Variants in CEACAM7 observed in about 807,000 individuals in gnomAD.
The protein encoded by CEACAM7 is cell adhesion molecule CEACAM7.
CEACAM7 carries 24 observed loss-of-function variants against 25.7 expected under a neutral mutation model. That is an observed-to-expected ratio of 0.93 (90% CI 0.68 to 1.31). The LOEUF is 1.31. CEACAM7 is among the 40% of genes most tolerant of loss of function. The probability of loss-of-function intolerance (pLI) is 0.00; values close to 1 mark genes in which losing one functional copy is unlikely to be tolerated. For synonymous variants in CEACAM7, 144 were observed against 129.4 expected (o/e 1.11, Z -0.77); for missense variants, 324 against 330.1 (o/e 0.98, Z 0.14).
chr19:41,677,669 G>T (rs1455613199), intron 3 of CEACAM7, among the ~76,000 whole-genome samples, 166 bp from the exon 4 acceptor site: 1 of 152,154 alleles, frequency 6.6e-6, no homozygotes, highest in Non-Finnish European at 1.5e-5. Flanking sequence ...ATTCTTGCAG[G>T]TTTTTTATCT....
In CEACAM7 at chr19:41,684,021, G is replaced by A. The variant is rs151261932; in HGVS notation, c.470C>T (p.Pro157Leu). The A allele has an allele frequency of 1.5e-5, 24 of 1,614,036 alleles. No individual in the cohort carries two copies. Among genetic ancestry groups the A allele is most frequent in the East Asian group, 2.2e-5 (1 of 44,902 alleles). The stretch of plus-strand genomic sequence containing the variant: ...AACCACAATATCTTTGTTCTCCACC[G>A]GATTGAAGTTGTTGCTGGTGATGGA... ...KPSITSNNFNPVENKDIVVLT... is the reference protein window; with the variant it reads ...KPSITSNNFNLVENKDIVVLT... The change falls in exon 3 of 5, where the codon CCG becomes CTG. Residue 157 changes from proline (P) to leucine (L), a missense_variant. By Grantham distance (98) the Pro-to-Leu change is moderately conservative. Transcript: ENST00000401731.
intron 4 of CEACAM7, among the ~76,000 whole-genome samples, chr19:41,675,045 C>G (rs1196464370): frequency 6.6e-6 from 1 of 152,294 alleles, no homozygotes; most frequent in South Asian, 2.1e-4. Flanking sequence ...CACTAGGAAG[C>G]CAAACCAAGG....
In CEACAM7 at chr19:41,687,166, G is replaced by C. The variant is rs147314898; in HGVS notation, c.120C>G (p.Val40=). The stretch of plus-strand genomic sequence containing the variant: ...TCCCTTCTGCGACATTGAACGGCAC[G>C]ACATCAATATTGGTCTGGGCACTGT... ...LPNSAQTNID[V]VPFNVAEGKE... is the part of the protein sequence containing the mutation. Residue 40 remains valine, a synonymous_variant, in exon 2 of 5, where the codon GTC becomes GTG. Coordinates refer to ENST00000401731, the MANE Select transcript of CEACAM7 (RefSeq NM_001291485.2). 1.2e-6 allele frequency: 2 copies of C among 1,613,750 alleles called. No homozygotes were observed. Among genetic ancestry groups the C allele is most frequent in the South Asian group, 1.1e-5 (1 of 91,000 alleles).
intron 2 of CEACAM7, 54 bp downstream of exon 2, chr19:41,686,805 T>G (rs971688157): frequency 6.7e-7 from 1 of 1,501,076 alleles, no homozygotes; most frequent in Non-Finnish European, 8.9e-7. Context: ...CAACCCCGTG[T>G]GTATGAAGTA....
intron 4 of CEACAM7, 49 bp downstream of exon 4, chr19:41,677,327 C>A: frequency 1.0e-6 from 1 of 986,238 alleles, no homozygotes; most frequent in South Asian, 1.4e-5. Context: ...CCAAGCATGG[C>A]AGTCAGCCCT....
chr19:41,681,493 C>A (rs2072175437), intron 3 of CEACAM7, among the ~76,000 whole-genome samples: 1 of 152,122 alleles, frequency 6.6e-6, no homozygotes, highest in South Asian at 2.1e-4. Context: ...TTGATAGTAG[C>A]ATTACTCACA....
At chr19:41,687,890 G>A (rs2072244653) in intron 1 of CEACAM7, among the ~76,000 whole-genome samples, 1 of 152,190 alleles carries the variant, frequency 6.6e-6, no homozygotes, top group Non-Finnish European at 1.5e-5. Context: ...TGATTAACCA[G>A]GAAAAGAGAA....
In CEACAM7 at chr19:41,683,963, G is replaced by A; in HGVS notation, c.528C>T (p.Thr176=). The A allele has an allele frequency of 6.2e-7, 1 of 1,614,192 alleles. No individual in the cohort carries two copies. Reference sequence around the variant, plus strand: ...TCTGATTGTTTACCCACCACAGGTAGGTTGTGTTCTGAGTCTCAGGTTGAC... The same window carrying A: ...TCTGATTGTTTACCCACCACAGGTAAGTTGTGTTCTGAGTCTCAGGTTGAC... ...LTCQPETQNT[T]YLWWVNNQSL... is the part of the protein sequence containing the mutation. The change falls in exon 3 of 5, where the codon ACC becomes ACT. Residue 176 remains threonine, a synonymous_variant. Transcript: ENST00000401731.
intron 4 of CEACAM7, among the ~76,000 whole-genome samples, chr19:41,675,835 A>T (rs1452142292): frequency 6.6e-6 from 1 of 152,236 alleles, no homozygotes; most frequent in Non-Finnish European, 1.5e-5. Context: ...GATTTCTAGA[A>T]ATCTCATATA....
At chr19:41,679,013 A>T (rs2072145657) in intron 3 of CEACAM7, among the ~76,000 whole-genome samples, 1 of 152,242 alleles carries the variant, frequency 6.6e-6, no homozygotes, top group Non-Finnish European at 1.5e-5. Flanking sequence ...TAGCCAATGA[A>T]GGAAATAATA....
At position 41,687,101 on chromosome 19, in the gene CEACAM7, A is replaced by G; in HGVS notation, c.185T>C (p.Leu62Pro). Reference sequence around the variant, plus strand: ...CCCTTTGTACCAGTTGTAGCCATAAAGATTCTGGGACTCATTATGGACTAC... The same window carrying G: ...CCCTTTGTACCAGTTGTAGCCATAAGGATTCTGGGACTCATTATGGACTAC... ...LLVVHNESQN[L>P]YGYNWYKGER... The change falls in exon 2 of 5, where the codon CTT (leucine) becomes CCT (proline). Residue 62 changes from leucine (L) to proline (P), a missense_variant. Leu to Pro is a moderately conservative substitution (Grantham distance 98). Coordinates refer to ENST00000401731, the MANE Select transcript of CEACAM7 (RefSeq NM_001291485.2). The G allele has an allele frequency of 6.2e-7, 1 of 1,614,138 alleles. No individual in the cohort carries two copies. Among genetic ancestry groups the G allele is most frequent in the Non-Finnish European group, 8.5e-7 (1 of 1,180,014 alleles).
rs782548650 is a variant in CEACAM7, at chr19:41,677,472, G to A, written c.738C>T (p.Leu246=). ...YESVQASSPD[L]SAGTAVSIMI... is the part of the protein sequence containing the mutation. ...TGATGCTGACAGCGGTCCCAGCTGAGAGGTCAGGTGAACTTGCTTGTACTG... is the reference window on the plus strand; with the variant it reads ...TGATGCTGACAGCGGTCCCAGCTGAAAGGTCAGGTGAACTTGCTTGTACTG... Residue 246 remains leucine (L), a synonymous_variant, in exon 4 of 5, where the codon CTC becomes CTT. Transcript: ENST00000401731. The A allele has an allele frequency of 1.2e-6, 2 of 1,613,964 alleles. No homozygotes were observed. Among genetic ancestry groups the A allele is most frequent in the African/African-American group, 2.7e-5 (2 of 74,938 alleles).
chr19:41,682,450 G>A (rs1446105098), intron 3 of CEACAM7, among the ~76,000 whole-genome samples: 1 of 152,176 alleles, frequency 6.6e-6, no homozygotes. Flanking sequence ...TGTCCACAGC[G>A]TCATACAGCG....
chr19:41,679,219 T>C (rs2072147808), intron 3 of CEACAM7, among the ~76,000 whole-genome samples: 2 of 152,204 alleles, frequency 1.3e-5, no homozygotes, highest in South Asian at 4.1e-4. Flanking sequence ...ATGAGTATTA[T>C]GAATAATTAT....
chr19:41,680,183 T>C (rs917436746), intron 3 of CEACAM7, among the ~76,000 whole-genome samples: 1 of 151,780 alleles, frequency 6.6e-6, no homozygotes, highest in Non-Finnish European at 1.5e-5. Context: ...AGAAAAAAAT[T>C]GATTCACATT....
Position 41,688,169 on chromosome 19 carries a change from C to G in CEACAM7, c.-4G>C. 1.2e-6 allele frequency: 2 copies of G among 1,609,622 alleles called. No homozygotes were observed. Among genetic ancestry groups the G allele is most frequent in the South Asian group, 1.1e-5 (1 of 90,654 alleles). On this transcript the variant is annotated 5_prime_UTR_variant, in exon 1 of 5. Transcript: ENST00000401731. ...GACAGGCTGAAGGGGACCCCATGGT[C>G]TCTGCTGCCTGCTTGTCCTCTGTGG...
rs145147015 is a variant in CEACAM7 at position 41,686,823 on chromosome 19, C to T, written c.427+36G>A. 66 of 1,469,452 alleles carry T rather than the reference C, an allele frequency of 4.5e-5. No individual in the cohort carries two copies. In the African/African-American group the frequency reaches 8.6e-4, roughly 19 times the overall value. The allele number at this position is 1,469,452 out of a possible 1,614,324, so 91.0% of individuals were successfully genotyped here. On this transcript the variant is annotated intron_variant, in intron 2 of 4. Coordinates refer to ENST00000401731, the MANE Select transcript of CEACAM7 (RefSeq NM_001291485.2). ...CCCCGTGTGTATGAAGTAGAACTGGCCCCCAGCACCCAGAAGTCATGGAGG... is the reference window on the plus strand; with the variant it reads ...CCCCGTGTGTATGAAGTAGAACTGGTCCCCAGCACCCAGAAGTCATGGAGG...
intron 4 of CEACAM7, among the ~76,000 whole-genome samples, chr19:41,677,092 G>A (rs377666594): frequency 6.6e-6 from 1 of 152,194 alleles, no homozygotes; most frequent in Non-Finnish European, 1.5e-5. Context: ...AACAGCACAA[G>A]TGAAAGATGT....
chr19:41,681,878 A>G (rs1261477580), intron 3 of CEACAM7, among the ~76,000 whole-genome samples: 1 of 152,298 alleles, frequency 6.6e-6, no homozygotes, highest in East Asian at 1.9e-4. Flanking sequence ...TAGCATGGTG[A>G]GTTGAAAAAG....
Sources: gnomAD v4.1 joint callset for allele counts (sites outside exome capture counted in the v4.1 genomes callset) on GRCh38, gnomAD v4.1.1 for gene constraint, MANE v1.5 for transcripts, NCBI Gene and HGNC (gene_info 2026-07-23, HGNC 2026-07-21) for gene names.